Variants in KLF12 observed in about 807,000 individuals in gnomAD.
The protein encoded by KLF12 is Krueppel-like factor 12.
KLF12 carries 9 observed loss-of-function variants against 37.8 expected under a neutral mutation model. The ratio of observed to expected loss-of-function variants is 0.24; its 90% CI spans 0.14 to 0.42. The LOEUF (loss-of-function observed/expected upper bound fraction) is 0.42, where lower values mean the gene tolerates loss of function less well. KLF12 is among the 10% of genes least tolerant of loss of function. The pLI is 1.00. For synonymous variants in KLF12, 208 were observed against 202.1 expected (o/e 1.03, Z -0.25); for missense variants, 411 against 516.0 (o/e 0.80, Z 1.97).
the KLF12 span, among the ~76,000 whole-genome samples, chr13:74,188,323 A>C: frequency 6.6e-6 from 1 of 152,154 alleles, no homozygotes; most frequent in African/African-American, 2.4e-5. Context: ...AACAGACCCA[A>C]ATTATGTCAC....
intron 3 of KLF12, among the ~76,000 whole-genome samples, chr13:73,918,944 T>C (rs1370995509): frequency 1.3e-5 from 2 of 152,180 alleles, no homozygotes; most frequent in Non-Finnish European, 2.9e-5. Context: ...CTGAATTGAG[T>C]TAGTTTGACT....
At chr13:73,700,317 TAAA>T (rs1014207782) in intron 7 of KLF12, among the ~76,000 whole-genome samples, 9 of 150,868 alleles carry the variant, frequency 6.0e-5, no homozygotes, top group Admixed American at 3.3e-4. Context: ...AAAATAATAA[TAAA>T]AAAATTTATA....
At chr13:73,960,313 C>A in intron 2 of KLF12, 1 of 262,516 alleles carries the variant, frequency 3.8e-6, no homozygotes, top group South Asian at 3.5e-5. Context: ...AAAAAGCATG[C>A]TAAAATGATA....
At chr13:74,042,725 T>C (rs566324736) in intron 1 of KLF12, among the ~76,000 whole-genome samples, 2 of 152,320 alleles carry the variant, frequency 1.3e-5, no homozygotes, top group Admixed American at 6.5e-5. Context: ...TTCATAAATA[T>C]GAAATATTAA....
intron 1 of KLF12, among the ~76,000 whole-genome samples, chr13:74,012,065 T>C (rs1039057497): frequency 6.6e-6 from 1 of 152,200 alleles, no homozygotes; most frequent in Non-Finnish European, 1.5e-5. Context: ...CCCAAAGACA[T>C]GTTTTCTTGT....
chr13:73,885,486 C>G (rs1248406024), intron 3 of KLF12, among the ~76,000 whole-genome samples: 1 of 152,196 alleles, frequency 6.6e-6, no homozygotes, highest in Non-Finnish European at 1.5e-5. Context: ...GACCCATCTT[C>G]TGCATTCACA....
chr13:73,790,198 T>C (rs1468704880), intron 5 of KLF12, among the ~76,000 whole-genome samples: 2 of 152,242 alleles, frequency 1.3e-5, no homozygotes, highest in Non-Finnish European at 2.9e-5. Context: ...CAGCAATTCA[T>C]AGTAGCTTCC....
the KLF12 span, among the ~76,000 whole-genome samples, chr13:74,289,373 C>A: frequency 6.6e-6 from 1 of 152,188 alleles, no homozygotes; most frequent in Admixed American, 6.5e-5. Flanking sequence ...AAGCTCTAAG[C>A]TCTCAGAGGT....
At chr13:74,107,743 T>C (rs562625403) in intron 1 of KLF12, among the ~76,000 whole-genome samples, 2 of 152,146 alleles carry the variant, frequency 1.3e-5, no homozygotes, top group Admixed American at 6.5e-5. Flanking sequence ...TCATTAAGGG[T>C]TGCCCTATCC....
chr13:74,233,962 C>T, the KLF12 span, among the ~76,000 whole-genome samples: 1 of 152,128 alleles, frequency 6.6e-6, no homozygotes, highest in African/African-American at 2.4e-5. Flanking sequence ...TGATATAAAT[C>T]TACCAAAATA....
At chr13:73,916,249 A>ACATG (rs1888838725) in intron 3 of KLF12, among the ~76,000 whole-genome samples, 1 of 15,506 alleles carries the variant, frequency 6.4e-5, no homozygotes, top group Admixed American at 6.3e-4. Context: ...ACGCACACGC[A>ACATG]CACACACACA....
At chr13:73,787,403 T>C (rs185943253) in intron 5 of KLF12, among the ~76,000 whole-genome samples, 2 of 152,294 alleles carry the variant, frequency 1.3e-5, no homozygotes, top group African/African-American at 4.8e-5. Flanking sequence ...CTCTCCAGGG[T>C]AAAATATAGT....
intron 1 of KLF12, among the ~76,000 whole-genome samples, chr13:74,036,820 C>CGCATAA (rs574779383): frequency 1.3e-5 from 2 of 152,284 alleles, no homozygotes; most frequent in South Asian, 4.1e-4. Flanking sequence ...CTGTTTTATG[C>CGCATAA]CAACAAGACA....
At chr13:74,112,873 C>T (rs1566218153) in intron 1 of KLF12, among the ~76,000 whole-genome samples, 1 of 152,176 alleles carries the variant, frequency 6.6e-6, no homozygotes, top group Non-Finnish European at 1.5e-5. Flanking sequence ...AAAGCCAGGC[C>T]TCTTGTGCCA....
chr13:73,787,818 G>A (rs1314230870), intron 5 of KLF12, among the ~76,000 whole-genome samples: 1 of 152,014 alleles, frequency 6.6e-6, no homozygotes, highest in Non-Finnish European at 1.5e-5. Flanking sequence ...AAAAAAGTAC[G>A]TAGTACATTT....
At chr13:74,164,777 A>G in the KLF12 span, among the ~76,000 whole-genome samples, 1 of 152,180 alleles carries the variant, frequency 6.6e-6, no homozygotes, top group Non-Finnish European at 1.5e-5. Context: ...GAACTGGAGG[A>G]TATTATGTTA....
intron 1 of KLF12, among the ~76,000 whole-genome samples, chr13:74,009,568 G>A (rs1434526244): frequency 6.6e-6 from 1 of 152,184 alleles, no homozygotes; most frequent in East Asian, 1.9e-4. Context: ...GTAGGCAGCA[G>A]TCAGAATGGG....
chr13:74,231,824 A>G, the KLF12 span: 1 of 152,084 alleles, frequency 6.6e-6, no homozygotes, highest in African/African-American at 2.4e-5. Context: ...TCTCAACCAA[A>G]ATCTTTAACC....
upstream of KLF12, among the ~76,000 whole-genome samples, chr13:74,136,358 C>G (rs1157665572): frequency 6.6e-6 from 1 of 152,172 alleles, no homozygotes; most frequent in Non-Finnish European, 1.5e-5. Context: ...CGGATGGAAA[C>G]GACGTGAAAA....
Sources: gnomAD v4.1 joint callset for allele counts (sites outside exome capture counted in the v4.1 genomes callset) on GRCh38, gnomAD v4.1.1 for gene constraint, MANE v1.5 for transcripts, NCBI Gene and HGNC (gene_info 2026-07-23, HGNC 2026-07-21) for gene names.